Variants in KRABD5 observed in about 807,000 individuals in gnomAD.
KRABD5 encodes KRAB domain containing 5.
At chr16:31,747,074 T>C in the KRABD5 span, among the ~76,000 whole-genome samples, 7 of 152,016 alleles carry the variant, frequency 4.6e-5, no homozygotes, top group South Asian at 1.5e-3. Flanking sequence ...TGTGCCATGC[T>C]GGTGTGCTGC....
At chr16:31,723,284 A>G in the KRABD5 span, 7 of 1,614,018 alleles carry the variant, frequency 4.3e-6, no homozygotes. Flanking sequence ...GCCGGACCTG[A>G]TCACCTTTTT....
At chr16:31,717,290 C>T in the KRABD5 span, among the ~76,000 whole-genome samples, 6 of 152,136 alleles carry the variant, frequency 3.9e-5, no homozygotes, top group African/African-American at 1.4e-4. Context: ...GCCACTGTGC[C>T]TGGCTGTCAG....
chr16:31,758,294 C>T, the KRABD5 span: 7 of 152,094 alleles, frequency 4.6e-5, no homozygotes, highest in Admixed American at 1.3e-4. Context: ...AAGTAATACT[C>T]ATCTCTACTG....
the KRABD5 span, among the ~76,000 whole-genome samples, chr16:31,739,769 T>C: frequency 6.6e-6 from 1 of 152,204 alleles, no homozygotes; most frequent in Non-Finnish European, 1.5e-5. Context: ...GGCAGCACTG[T>C]GACATGTTCG....
chr16:31,753,933 GGACATACAAAATGTAA>G, the KRABD5 span: 1 of 1,550,596 alleles, frequency 6.4e-7, no homozygotes. Flanking sequence ...ATATTATGAT[GGACATACAAAATGTAA>G]GACAACTACC....
the KRABD5 span, among the ~76,000 whole-genome samples, chr16:31,735,116 T>C: frequency 1.3e-5 from 2 of 150,692 alleles, no homozygotes; most frequent in South Asian, 2.1e-4. Context: ...TTCTTTCTTT[T>C]TTTCTTTCTT....
At chr16:31,724,919 A>G in the KRABD5 span, among the ~76,000 whole-genome samples, 180 of 152,230 alleles carry the variant, frequency 1.2e-3, no homozygotes, top group African/African-American at 4.3e-3. Flanking sequence ...AGATTCCACA[A>G]ATAACTGATA....
the KRABD5 span, among the ~76,000 whole-genome samples, chr16:31,739,812 G>T: frequency 6.6e-6 from 1 of 152,142 alleles, no homozygotes; most frequent in African/African-American, 2.4e-5. Context: ...GAAGGTTGTG[G>T]GTTTACCGGA....
the KRABD5 span, chr16:31,714,332 T>G: frequency 4.4e-6 from 2 of 456,148 alleles, no homozygotes; most frequent in South Asian, 3.1e-5. Flanking sequence ...AAAAACTGTT[T>G]TGAGTGATTT....
At chr16:31,749,891 C>T in the KRABD5 span, among the ~76,000 whole-genome samples, 4 of 152,232 alleles carry the variant, frequency 2.6e-5, no homozygotes, top group African/African-American at 9.6e-5. Context: ...GTATTGGCCC[C>T]GCCCCTGTGT....
the KRABD5 span, among the ~76,000 whole-genome samples, chr16:31,753,158 C>A: frequency 1.3e-5 from 2 of 152,148 alleles, no homozygotes; most frequent in African/African-American, 4.8e-5. Context: ...ATACTGTTGT[C>A]AGGATGTTTC....
the KRABD5 span, among the ~76,000 whole-genome samples, chr16:31,747,328 T>C: frequency 1.3e-5 from 2 of 152,174 alleles, no homozygotes; most frequent in East Asian, 3.9e-4. Flanking sequence ...CTCATCCTTT[T>C]TTATGGCTGC....
At chr16:31,732,032 C>T in the KRABD5 span, among the ~76,000 whole-genome samples, 2 of 152,152 alleles carry the variant, frequency 1.3e-5, no homozygotes, top group African/African-American at 4.8e-5. Context: ...AATGAATCCT[C>T]CTGGATTCTT....
At chr16:31,738,566 G>T in the KRABD5 span, among the ~76,000 whole-genome samples, 1 of 151,930 alleles carries the variant, frequency 6.6e-6, no homozygotes, top group Non-Finnish European at 1.5e-5. Context: ...GCTCATATGT[G>T]TTCTTAGATC....
chr16:31,727,002 T>C, the KRABD5 span, among the ~76,000 whole-genome samples: 1 of 152,206 alleles, frequency 6.6e-6, no homozygotes, highest in Non-Finnish European at 1.5e-5. Flanking sequence ...TTCACCTCCT[T>C]TGTTAAATGG....
chr16:31,713,460 C>G, the KRABD5 span: 16 of 1,600,058 alleles, frequency 1.0e-5, no homozygotes, highest in Non-Finnish European at 1.2e-5. Context: ...TCGGGGGTCC[C>G]CAGAAGAGGG....
the KRABD5 span, among the ~76,000 whole-genome samples, chr16:31,726,216 ATTT>A: frequency 2.6e-5 from 4 of 152,194 alleles, no homozygotes; most frequent in South Asian, 6.2e-4. Flanking sequence ...TTCCAGCATC[ATTT>A]ATTGAAGAGA....
chr16:31,726,903 C>G, the KRABD5 span, among the ~76,000 whole-genome samples: 21 of 151,976 alleles, frequency 1.4e-4, no homozygotes, highest in African/African-American at 4.8e-4. Flanking sequence ...TTAATTTTTC[C>G]AGTCCATGAA....
chr16:31,722,824 G>A, the KRABD5 span: 1 of 1,450,874 alleles, frequency 6.9e-7, no homozygotes, highest in Non-Finnish European at 9.1e-7. Context: ...TTTGTAGAAT[G>A]TCACTTGGGA....
Sources: gnomAD v4.1 joint callset for allele counts (sites outside exome capture counted in the v4.1 genomes callset) on GRCh38, gnomAD v4.1.1 for gene constraint, MANE v1.5 for transcripts, NCBI Gene and HGNC (gene_info 2026-07-23, HGNC 2026-07-21) for gene names.